BOLL: variants seen among roughly 807,000 people sequenced by gnomAD.
BOLL encodes the protein boule RNA binding protein, also known as protein boule-like.
BOLL carries 23 observed loss-of-function variants against 44.4 expected under a neutral mutation model. The ratio of observed to expected loss-of-function variants is 0.52; its 90% confidence interval spans 0.37 to 0.73. The LOEUF (loss-of-function observed/expected upper bound fraction) is 0.73, where lower values mean the gene tolerates loss of function less well. BOLL is among the 30% of genes least tolerant of loss of function. The pLI is 0.00. For synonymous variants in BOLL, 97 were observed against 110.8 expected (o/e 0.88, Z 0.78); for missense variants, 287 against 338.3 (o/e 0.85, Z 1.19).
At chr2:197,756,067 ATT>A (rs997351136) in intron 9 of BOLL, 1 of 152,418 alleles carries the variant, frequency 6.6e-6, no homozygotes, top group Non-Finnish European at 1.5e-5. Flanking sequence ...TTTTTTAAAG[ATT>A]TTTTTTCTTC....
In BOLL at chr2:197,727,265, T is replaced by C. The variant is rs1037562373; in HGVS notation, c.*1290A>G. ...ACCTTTGTGATCTATATCCTACTAT[T>C]TCTGCTGCTGCTGCTGAGCATGGAA... On this transcript the variant is annotated 3_prime_UTR_variant, in exon 11 of 11. Transcript: ENST00000392296. 1.3e-5 allele frequency: 2 copies of C among 152,328 alleles called. No homozygotes were observed. The highest frequency in any genetic ancestry group is 4.8e-5 in the African/African-American group (2 of 41,444). The allele number at this position is 152,328 out of a possible 1,614,324, so 9.4% of individuals were successfully genotyped here.
chr2:197,781,625 G>T, intron 2 of BOLL, 97 bp downstream of exon 2: 1 of 1,166,230 alleles, frequency 8.6e-7, no homozygotes, highest in Non-Finnish European at 1.2e-6. Flanking sequence ...TAATCATTAT[G>T]CAAATATGTT....
At chr2:197,780,951 C>T (rs986831487) in intron 2 of BOLL, among the ~76,000 whole-genome samples, 3 of 151,998 alleles carry the variant, frequency 2.0e-5, no homozygotes, top group African/African-American at 7.2e-5. Context: ...GGCTGGGGGG[C>T]ACTGCACATC....
At chr2:197,738,539 G>A (rs964760419) in intron 10 of BOLL, among the ~76,000 whole-genome samples, 1 of 152,210 alleles carries the variant, frequency 6.6e-6, no homozygotes, top group African/African-American at 2.4e-5. Flanking sequence ...CAGCCAATGA[G>A]TAGTTTCTGG....
chr2:197,735,280 C>T (rs1188576865), intron 10 of BOLL, among the ~76,000 whole-genome samples: 1 of 152,042 alleles, frequency 6.6e-6, no homozygotes, highest in Non-Finnish European at 1.5e-5. Flanking sequence ...TAGGCCTTTT[C>T]AATTTAGAGA....
chr2:197,728,628 A>G, intron 10 of BOLL, 50 bp from the exon 11 acceptor site: 3 of 1,353,772 alleles, frequency 2.2e-6, no homozygotes, highest in Non-Finnish European at 3.2e-6. Context: ...TGGAAAAAAA[A>G]AGATAAGTTA....
chr2:197,784,446 A>G (rs1441063442), intron 1 of BOLL, among the ~76,000 whole-genome samples: 3 of 82,454 alleles, frequency 3.6e-5, no homozygotes, highest in Non-Finnish European at 7.0e-5. Flanking sequence ...ATATATATAT[A>G]TATTTGAGAC....
chr2:197,730,582 A>C (rs1417764186), intron 10 of BOLL, among the ~76,000 whole-genome samples: 4 of 150,096 alleles, frequency 2.7e-5, no homozygotes, highest in Admixed American at 2.7e-4. Flanking sequence ...GGTTACCCTC[A>C]AAGGGAAGCC....
At chr2:197,743,288 TTTAA>T in intron 9 of BOLL, 129 bp from the exon 10 acceptor site, 1 of 526,962 alleles carries the variant, frequency 1.9e-6, no homozygotes. Context: ...TGCCCTTATG[TTTAA>T]TTAACTTATA....
intron 9 of BOLL, among the ~76,000 whole-genome samples, chr2:197,756,188 A>G (rs1235293332): frequency 6.6e-6 from 1 of 152,204 alleles, no homozygotes; most frequent in African/African-American, 2.4e-5. Flanking sequence ...AAAAAGATCA[A>G]ATCAAAGATT....
In BOLL at chr2:197,727,906, G is replaced by A. The variant is rs1315475337; in HGVS notation, c.*649C>T. 1.3e-5 allele frequency: 2 copies of A among 152,028 alleles called. No homozygotes were observed. Among genetic ancestry groups the A allele is most frequent in the Non-Finnish European group, 2.9e-5 (2 of 67,964 alleles). 9.4% of individuals were successfully genotyped at this position (152,028 alleles called of 1,614,324 possible). On this transcript the variant is annotated 3_prime_UTR_variant, in exon 11 of 11. Transcript: ENST00000392296. ...AGGCAAGAATACTGATCATGTTGAT[G>A]GTATTTCTAATATTTGGAAAATGTT...
intron 5 of BOLL, among the ~76,000 whole-genome samples, chr2:197,772,428 T>G (rs1238090581): frequency 6.6e-6 from 1 of 152,096 alleles, no homozygotes; most frequent in Non-Finnish European, 1.5e-5. Context: ...CCAAAGATGA[T>G]GGAGGCAGTA....
chr2:197,728,129 T>C lies in BOLL; in HGVS notation c.*426A>G, dbSNP rs1241736192. The C allele has an allele frequency of 4.7e-6, 1 of 212,690 alleles. No individual in the cohort carries two copies. Among genetic ancestry groups the C allele is most frequent in the Admixed American group, 5.6e-5 (1 of 18,010 alleles). 13.2% of individuals were successfully genotyped at this position (212,690 alleles called of 1,614,324 possible). A position where few individuals can be genotyped will look rare whatever the true frequency, so the allele number is the denominator to read the frequency against. ...ATATATGAAAGTATTAAAAGTATTA[T>C]AATTAAAAATGATTCTTATCCTAAA... On this transcript the variant is annotated 3_prime_UTR_variant, in exon 11 of 11. Transcript: ENST00000392296.
intron 10 of BOLL, among the ~76,000 whole-genome samples, chr2:197,731,782 A>G (rs1470194691): frequency 6.6e-6 from 1 of 151,990 alleles, no homozygotes; most frequent in Non-Finnish European, 1.5e-5. Flanking sequence ...CAAAGACACA[A>G]CATACCAGAA....
intron 10 of BOLL, among the ~76,000 whole-genome samples, chr2:197,742,598 G>C (rs867832178): frequency 2.3e-4 from 35 of 152,140 alleles, no homozygotes; most frequent in Middle Eastern, 3.4e-3. Context: ...CTCACTCATA[G>C]GTGGGAATTG....
intron 2 of BOLL, among the ~76,000 whole-genome samples, chr2:197,781,389 G>A (rs541940784): frequency 1.4e-4 from 22 of 151,996 alleles, no homozygotes; most frequent in African/African-American, 4.3e-4. Context: ...TTTGGCTATT[G>A]GAATATTAGG....
chr2:197,775,319 T>A lies in BOLL; in HGVS notation c.352+346A>T, dbSNP rs570144382. On this transcript the variant is annotated intron_variant, in intron 5 of 10. Coordinates refer to ENST00000392296, the MANE Select transcript of BOLL (RefSeq NM_033030.6). ...TTACTCTGATTAATTTTAAATTAGTTTCTAATTAAAATTTTTCTCATTAGT... is the reference window on the plus strand; with the variant it reads ...TTACTCTGATTAATTTTAAATTAGTATCTAATTAAAATTTTTCTCATTAGT... Among the ~76,000 whole-genome samples, 17 of 152,032 alleles carry A rather than the reference T, an allele frequency of 1.1e-4. No homozygotes were observed. In the South Asian group the frequency reaches 3.5e-3, roughly 32 times the overall value.
At chr2:197,741,856 A>G (rs1687751832) in intron 10 of BOLL, among the ~76,000 whole-genome samples, 2 of 152,214 alleles carry the variant, frequency 1.3e-5, no homozygotes, top group Non-Finnish European at 2.9e-5. Context: ...AAAAGAAACT[A>G]CCATCAGAGT....
intron 10 of BOLL, among the ~76,000 whole-genome samples, chr2:197,733,966 T>C (rs1483864321): frequency 2.6e-5 from 4 of 151,870 alleles, no homozygotes; most frequent in African/African-American, 4.8e-5. Context: ...ACAAATGGGA[T>C]CTAATTAAAC....
Sources: gnomAD v4.1 joint callset for allele counts (sites outside exome capture counted in the v4.1 genomes callset) on GRCh38, gnomAD v4.1.1 for gene constraint, MANE v1.5 for transcripts, NCBI Gene and HGNC (gene_info 2026-07-23, HGNC 2026-07-21) for gene names.